ASTN2: variants seen among roughly 807,000 people sequenced by gnomAD.
ASTN2 encodes the protein astrotactin-2.
ASTN2 carries 54 observed loss-of-function variants against 139.8 expected under a neutral mutation model. That is an observed-to-expected ratio of 0.39 (90% CI 0.31 to 0.48). ASTN2 has a LOEUF of 0.48. Ranked by LOEUF, ASTN2 falls within the 20% of genes least tolerant of loss-of-function variation. ASTN2 has a pLI of 0.95. For missense variants in ASTN2, 1,565 were observed against 1,725.1 expected (o/e 0.91, Z 1.64); for synonymous variants, 756 against 719.5 (o/e 1.05, Z -0.81).
intron 18 of ASTN2, among the ~76,000 whole-genome samples, chr9:116,619,692 T>A (rs1233015960): frequency 7.0e-6 from 1 of 142,380 alleles, no homozygotes; most frequent in Non-Finnish European, 1.5e-5. Flanking sequence ...CGGGCTATTT[T>A]TTTTTTTTTT....
intron 17 of ASTN2, among the ~76,000 whole-genome samples, chr9:116,624,076 TGCATTTCCATGACTTGTAAACGCTTCC>T (rs1856315630): frequency 6.6e-6 from 1 of 152,320 alleles, no homozygotes; most frequent in African/African-American, 2.4e-5. Flanking sequence ...AACGAAGGTT[TGCATTTCCATGACTTGTAAACGCTTCC>T]AACTTCTGGC....
chr9:116,457,295 A>G lies in ASTN2; in HGVS notation c.3498-14742T>C, dbSNP rs1848361428. Among the ~76,000 whole-genome samples the G allele has an allele frequency of 5.9e-5, 9 of 152,332 alleles. No individual in the cohort carries two copies. The South Asian group carries it at 1.9e-3, about 32-fold the overall frequency. On this transcript the variant is annotated intron_variant, in intron 20 of 22. Coordinates refer to ENST00000313400, the MANE Select transcript of ASTN2 (RefSeq NM_001365068.1). ...ACTCTCCAGGACATTGGTCTGAGCA[A>G]AGATTTCTTGAGTAATAGCCCAAAA...
intron 3 of ASTN2, among the ~76,000 whole-genome samples, chr9:117,147,983 G>A (rs1231957371): frequency 6.6e-5 from 10 of 152,160 alleles, no homozygotes; most frequent in Non-Finnish European, 4.4e-5. Flanking sequence ...TAGGCAAAGA[G>A]CCCTAGGAAA....
chr9:116,677,232 T>C (rs1262474491), intron 16 of ASTN2, among the ~76,000 whole-genome samples: 1 of 152,174 alleles, frequency 6.6e-6, no homozygotes, highest in Non-Finnish European at 1.5e-5. Flanking sequence ...TCTTAATGCA[T>C]ACATGAGAGG....
chr9:116,870,696 T>TCAC (rs1159745837), intron 10 of ASTN2, among the ~76,000 whole-genome samples: 2 of 152,248 alleles, frequency 1.3e-5, no homozygotes, highest in African/African-American at 4.8e-5. Flanking sequence ...TACAAATGCG[T>TCAC]CACCTGGATT....
intron 4 of ASTN2, among the ~76,000 whole-genome samples, chr9:117,121,134 G>C (rs535366313): frequency 3.3e-5 from 5 of 152,304 alleles, no homozygotes; most frequent in African/African-American, 1.2e-4. Context: ...TTGTGGTCTT[G>C]CCCCAGGGCT....
chr9:116,698,238 C>T lies in ASTN2; in HGVS notation c.2806+27533G>A, dbSNP rs752016708. The T allele has an allele frequency of 9.7e-5, 156 of 1,613,938 alleles. No individual in the cohort carries two copies. Among genetic ancestry groups the T allele is most frequent in the Middle Eastern group, 1.6e-4 (1 of 6,082 alleles). On this transcript the variant is annotated intron_variant, in intron 16 of 22. Coordinates refer to ENST00000313400, the MANE Select transcript of ASTN2 (RefSeq NM_001365068.1). The surrounding 1 kb of genome is among the most constrained non-coding windows in gnomAD (Gnocchi z 4.4). The stretch of plus-strand genomic sequence containing the variant: ...GGAACTTATGGGGGAGCTGCAGCGG[C>T]GGAAGGCAGCCTTGGAAGGTGTCTC...
At chr9:116,445,749 T>C (rs1386171712) in intron 20 of ASTN2, among the ~76,000 whole-genome samples, 2 of 152,198 alleles carry the variant, frequency 1.3e-5, no homozygotes, top group Non-Finnish European at 2.9e-5. Context: ...ATTATCCATA[T>C]CTCACAAGTT....
intron 19 of ASTN2, among the ~76,000 whole-genome samples, chr9:116,542,920 A>C (rs1434840292): frequency 8.5e-5 from 13 of 152,118 alleles, no homozygotes; most frequent in Admixed American, 7.2e-4. Flanking sequence ...ACTCTATCTC[A>C]AAAAAACAAA....
chr9:116,870,464 A>C (rs112637356), intron 10 of ASTN2, among the ~76,000 whole-genome samples: 2 of 152,210 alleles, frequency 1.3e-5, no homozygotes, highest in African/African-American at 4.8e-5. Flanking sequence ...GCTGCATGCC[A>C]CATACTGAGC....
At chr9:117,185,910 TATCTCCATGAAGCCTGAGAC>T (rs1168505588) in intron 3 of ASTN2, among the ~76,000 whole-genome samples, 1 of 152,188 alleles carries the variant, frequency 6.6e-6, no homozygotes, top group East Asian at 1.9e-4. Context: ...ATCAATAGTG[TATCTCCATGAAGCCTGAGAC>T]TGTTTCTGAT....
At chr9:116,916,707 G>A (rs538284015) in intron 10 of ASTN2, among the ~76,000 whole-genome samples, 2 of 152,206 alleles carry the variant, frequency 1.3e-5, no homozygotes, top group South Asian at 4.2e-4. Flanking sequence ...AGGTGTGGTG[G>A]TGTGTGCCTG....
At chr9:116,633,699 C>G (rs994071170) in intron 17 of ASTN2, among the ~76,000 whole-genome samples, 1 of 152,092 alleles carries the variant, frequency 6.6e-6, no homozygotes, top group Non-Finnish European at 1.5e-5. Flanking sequence ...TCCAGTACGC[C>G]CATTGTCCCT....
At chr9:117,173,323 G>A (rs1401669903) in intron 3 of ASTN2, among the ~76,000 whole-genome samples, 2 of 151,928 alleles carry the variant, frequency 1.3e-5, no homozygotes, top group East Asian at 1.9e-4. Flanking sequence ...AAAAGCAACC[G>A]TAACTACAAA....
At chr9:116,806,213 T>C (rs765724345) in intron 12 of ASTN2, among the ~76,000 whole-genome samples, 13 of 152,198 alleles carry the variant, frequency 8.5e-5, no homozygotes, top group Non-Finnish European at 1.8e-4. Flanking sequence ...TTGAAGACTG[T>C]AGCAAATACA....
At chr9:117,113,771 A>G (rs546963989) in intron 4 of ASTN2, among the ~76,000 whole-genome samples, 4 of 152,326 alleles carry the variant, frequency 2.6e-5, no homozygotes, top group African/African-American at 7.2e-5. Flanking sequence ...AAAACTACAT[A>G]CTGTGTGAGT....
rs76493551 is a variant in ASTN2 at position 116,593,080 on chromosome 9, G to A, written c.3355+25244C>T. 6.1e-4 allele frequency among the ~76,000 whole-genome samples: 93 copies of A among 152,324 alleles called. No individual in the cohort carries two copies. The East Asian group carries it at 0.017, about 28-fold the overall frequency. The stretch of plus-strand genomic sequence containing the variant: ...CATGACACATGAATTGGAAGAGTGG[G>A]GTGGAGGCAGCTCTTGAGTGAAGGA... On this transcript the variant is annotated intron_variant, in intron 19 of 22. Coordinates refer to ENST00000313400, the MANE Select transcript of ASTN2 (RefSeq NM_001365068.1).
intron 3 of ASTN2, among the ~76,000 whole-genome samples, chr9:117,183,116 A>G (rs1014177389): frequency 2.0e-5 from 3 of 152,122 alleles, no homozygotes; most frequent in Admixed American, 1.3e-4. Context: ...CAGAGCATGC[A>G]GTATGTTTCC....
chr9:117,275,183 A>C (rs936758750), intron 2 of ASTN2, among the ~76,000 whole-genome samples: 3 of 152,186 alleles, frequency 2.0e-5, no homozygotes, highest in Non-Finnish European at 2.9e-5. Context: ...CATTTTTTCT[A>C]TCAACAGTGT....
Sources: allele counts gnomAD v4.1 joint callset (sites outside exome capture counted in the v4.1 genomes callset), GRCh38; gene constraint gnomAD v4.1.1; non-coding constraint Gnocchi (gnomAD v3.1); transcripts MANE v1.5; gene names NCBI Gene and HGNC (gene_info 2026-07-23, HGNC 2026-07-21).